The following LRBA variants were observed in gnomAD, a reference collection of about 807,000 sequenced individuals.
LRBA encodes LPS responsive beige-like anchor protein.
Under a neutral mutation model 330.0 loss-of-function variants are expected in LRBA, and 176 were observed. The ratio of observed to expected loss-of-function variants is 0.53; its 90% CI spans 0.47 to 0.60. LRBA has a LOEUF of 0.60. Among genes scored for constraint, LRBA ranks in the 20% least tolerant of loss-of-function variants. The pLI, the probability that LRBA is intolerant of heterozygous loss-of-function variation, is 0.00. For synonymous variants in LRBA, 1,230 were observed against 1,193.0 expected, an observed-to-expected ratio of 1.03 and a Z score of -0.64; for missense variants, 3,259 against 3,444.8, an observed-to-expected ratio of 0.95 and a Z score of 1.35.
intron 2 of LRBA, chr4:150,970,552 TGTGTACACACACACACACA>T (rs1216942888): frequency 4.1e-5 from 2 of 48,658 alleles, no homozygotes; most frequent in Non-Finnish European, 1.3e-4. Flanking sequence ...TGTGTGTGTG[TGTGTACACACACACACACA>T]CACACACACA....
intron 47 of LRBA, among the ~76,000 whole-genome samples, chr4:150,387,318 G>A (rs1414581331): frequency 6.6e-6 from 1 of 151,946 alleles, no homozygotes; most frequent in Non-Finnish European, 1.5e-5. Flanking sequence ...ACCTTTATAT[G>A]GTTTTAGAAT....
At chr4:150,692,146 T>C (rs1784196360) in intron 36 of LRBA, among the ~76,000 whole-genome samples, 1 of 152,178 alleles carries the variant, frequency 6.6e-6, no homozygotes, top group African/African-American at 2.4e-5. Context: ...ACTCCTCAAA[T>C]TGTATACTTA....
At chr4:150,492,745 A>G (rs1759121309) in intron 40 of LRBA, among the ~76,000 whole-genome samples, 1 of 152,184 alleles carries the variant, frequency 6.6e-6, no homozygotes, top group Non-Finnish European at 1.5e-5. Context: ...TGGGACTGTC[A>G]GATGAGTTCA....
At chr4:150,967,919 T>C (rs529149517) in intron 2 of LRBA, among the ~76,000 whole-genome samples, 13 of 152,162 alleles carry the variant, frequency 8.5e-5, no homozygotes, top group Non-Finnish European at 1.8e-4. Context: ...CACCCTATTA[T>C]CTGAGACATA....
intron 2 of LRBA, chr4:151,012,900 T>G (rs2912477): frequency 0.12 from 16,565 of 143,264 alleles, 1,300 homozygotes; most frequent in South Asian, 0.31. Flanking sequence ...AACCTCCACC[T>G]CCTGGGTACA....
chr4:150,691,278 C>T (rs1693601287), intron 36 of LRBA, among the ~76,000 whole-genome samples: 1 of 151,752 alleles, frequency 6.6e-6, no homozygotes, highest in Non-Finnish European at 1.5e-5. Context: ...AGGTAAGCCA[C>T]AAATTGTGAA....
In LRBA at chr4:150,264,697, C is replaced by G. The variant is rs1208173051; in HGVS notation, c.*1025G>C. 6.6e-6 allele frequency: 1 copy of G among 152,622 alleles called. No individual in the cohort carries two copies. Among genetic ancestry groups the G allele is most frequent in the Non-Finnish European group, 1.5e-5 (1 of 68,030 alleles). The allele number at this position is 152,622 out of a possible 1,614,324, so 9.5% of individuals were successfully genotyped here. On this transcript the variant is annotated 3_prime_UTR_variant, in exon 57 of 57. Transcript: ENST00000651943. ...AAGAATTTATTTATGCAATACAGGC[C>G]TTTTCTCAAATATTTTTCACAGAAT...
intron 47 of LRBA, among the ~76,000 whole-genome samples, chr4:150,378,751 C>A (rs961564442): frequency 1.3e-5 from 2 of 152,090 alleles, no homozygotes; most frequent in Admixed American, 1.3e-4. Context: ...CCTGCCATAA[C>A]CACATGATGA....
chr4:150,958,314 C>T (rs1044428733), intron 2 of LRBA, among the ~76,000 whole-genome samples: 1 of 149,354 alleles, frequency 6.7e-6, no homozygotes, highest in Non-Finnish European at 1.5e-5. Flanking sequence ...AGGCTTAGGG[C>T]TTTCACCCTC....
intron 40 of LRBA, among the ~76,000 whole-genome samples, chr4:150,492,416 T>C (rs762404900): frequency 8.5e-5 from 13 of 152,110 alleles, no homozygotes; most frequent in South Asian, 6.2e-4. Flanking sequence ...TCAACGCCTA[T>C]GTAAAATAAA....
intron 52 of LRBA, among the ~76,000 whole-genome samples, chr4:150,308,898 C>T (rs1451655901): frequency 1.3e-5 from 2 of 151,990 alleles, no homozygotes; most frequent in East Asian, 3.9e-4. Flanking sequence ...CTTCAGTAAG[C>T]CAATTATTAG....
Position 150,852,109 on chromosome 4 carries a change from C to A in LRBA, c.3601G>T (p.Val1201Leu). The A allele has an allele frequency of 6.2e-7, 1 of 1,614,136 alleles. No individual in the cohort carries two copies. Among genetic ancestry groups the A allele is most frequent in the African/African-American group, 1.3e-5 (1 of 75,068 alleles). ...AGCATCTGACCAAGGTCTGATTCTA[C>A]AGCTATTTGGGAAACAGTAGTTTCT... Reference protein sequence around the residue: ...SPETTVSQIAVESDLGQMLEE... With the variant: ...SPETTVSQIALESDLGQMLEE... The change falls in exon 23 of 57, where the codon GTA (valine) becomes TTA (leucine). Residue 1201 changes from valine (V) to leucine (L), a missense_variant. By Grantham distance (32) the Val-to-Leu change is conservative. Coordinates refer to ENST00000651943, the MANE Select transcript of LRBA (RefSeq NM_001364905.1).
intron 22 of LRBA, among the ~76,000 whole-genome samples, chr4:150,854,497 G>T (rs1750987842): frequency 6.6e-6 from 1 of 152,138 alleles, no homozygotes. Context: ...CATTGTTCCT[G>T]ACTTCATGGA....
intron 28 of LRBA, chr4:150,841,159 G>A (rs924770220): frequency 1.5e-5 from 3 of 203,704 alleles, no homozygotes; most frequent in African/African-American, 2.4e-5. Flanking sequence ...TATAATAACT[G>A]CTGCTAATGA....
chr4:150,277,805 T>G (rs773663444), intron 56 of LRBA, 48 bp downstream of exon 56: 1 of 1,585,906 alleles, frequency 6.3e-7, no homozygotes, highest in Non-Finnish European at 8.6e-7. Flanking sequence ...ACCAGTCCCC[T>G]CTGCAGTTTT....
chr4:150,814,126 T>C (rs1164798191), intron 31 of LRBA, among the ~76,000 whole-genome samples: 1 of 152,098 alleles, frequency 6.6e-6, no homozygotes, highest in African/African-American at 2.4e-5. Flanking sequence ...ACTGAATGTG[T>C]ATTGCTTTCA....
intron 35 of LRBA, among the ~76,000 whole-genome samples, chr4:150,738,207 T>A (rs1221334617): frequency 6.6e-6 from 1 of 151,996 alleles, no homozygotes; most frequent in African/African-American, 2.4e-5. Context: ...GCCAGGGTGG[T>A]CTTGAACTCC....
At chr4:150,628,722 C>T (rs112580708) in intron 37 of LRBA, among the ~76,000 whole-genome samples, 2,793 of 152,258 alleles carry the variant, frequency 0.018, 31 homozygotes, top group Non-Finnish European at 0.029. Context: ...TAACCTGTTA[C>T]TTCCATTGAA....
intron 17 of LRBA, among the ~76,000 whole-genome samples, chr4:150,879,352 T>C (rs999400936): frequency 6.6e-6 from 1 of 152,064 alleles, no homozygotes; most frequent in African/African-American, 2.4e-5. Flanking sequence ...AAACCAGGCA[T>C]AGAAGGAACA....
Sources: gnomAD v4.1 joint callset for allele counts (sites outside exome capture counted in the v4.1 genomes callset) on GRCh38, gnomAD v4.1.1 for gene constraint, MANE v1.5 for transcripts, NCBI Gene and HGNC (gene_info 2026-07-23, HGNC 2026-07-21) for gene names.